The following PRDM15 variants were observed in gnomAD, a reference collection of about 807,000 sequenced individuals.
PRDM15 encodes the protein PR domain zinc finger protein 15.
PRDM15 carries 64 observed loss-of-function variants against 128.6 expected under a neutral mutation model. The observed-to-expected ratio is 0.50, with a 90% confidence interval of 0.41 to 0.61. The LOEUF (loss-of-function observed/expected upper bound fraction) is 0.61, where lower values mean the gene tolerates loss of function less well. Among genes scored for constraint, PRDM15 ranks in the 20% least tolerant of loss-of-function variants. The probability of loss-of-function intolerance (pLI) is 0.00; values close to 1 mark genes in which losing one functional copy is unlikely to be tolerated. For missense variants in PRDM15, 1,242 were observed against 1,569.1 expected (o/e 0.79, Z 3.52); for synonymous variants, 615 against 621.8 (o/e 0.99, Z 0.16).
chr21:41,819,721 C>T lies in PRDM15; in HGVS notation c.2141-20G>A, dbSNP rs1250544209. ...TCACACCTGAGAACACAGGCATCTGCCACTCAGAGCCGAGCAGCTCCGACC... is the reference window on the plus strand; with the variant it reads ...TCACACCTGAGAACACAGGCATCTGTCACTCAGAGCCGAGCAGCTCCGACC... On this transcript the variant is annotated intron_variant, in intron 17 of 23. Transcript: ENST00000398548. 6.3e-7 allele frequency: 1 copy of T among 1,585,458 alleles called. No homozygotes were observed. The highest frequency in any genetic ancestry group is 8.5e-7 in the Non-Finnish European group (1 of 1,171,030).
At chr21:41,865,541 C>A (rs1481397257) in intron 1 of PRDM15, among the ~76,000 whole-genome samples, 2 of 152,142 alleles carry the variant, frequency 1.3e-5, no homozygotes, top group African/African-American at 4.8e-5. Context: ...GAGGTCCACC[C>A]CAGGCACAGC....
chr21:41,866,232 C>T (rs2064003443), intron 1 of PRDM15, among the ~76,000 whole-genome samples: 2 of 152,248 alleles, frequency 1.3e-5, no homozygotes, highest in African/African-American at 4.8e-5. Context: ...GTTTCATTTG[C>T]ACAAGTTACG....
At chr21:41,847,686 C>T (rs546321536) in intron 5 of PRDM15, among the ~76,000 whole-genome samples, 2 of 152,216 alleles carry the variant, frequency 1.3e-5, no homozygotes, top group Admixed American at 6.5e-5. Flanking sequence ...GGATGACTGA[C>T]GTGCTCCACA....
intron 5 of PRDM15, among the ~76,000 whole-genome samples, chr21:41,847,599 A>G (rs1379744378): frequency 1.3e-5 from 2 of 152,072 alleles, no homozygotes; most frequent in African/African-American, 4.8e-5. Flanking sequence ...GTGGAACCCC[A>G]AACGGCCAGC....
intron 18 of PRDM15, among the ~76,000 whole-genome samples, chr21:41,816,894 TAAAAA>T (rs66937227): frequency 1.3e-5 from 2 of 149,478 alleles, no homozygotes; most frequent in Non-Finnish European, 3.0e-5. Context: ...TCCTTTTGAT[TAAAAA>T]AAAAAAAAAG....
Position 41,801,568 on chromosome 21 carries a change from T to TGGTAA in PRDM15, c.3097_3098insTTACC (p.Gln1033LeufsTer11). On this transcript the variant is annotated frameshift_variant, in exon 24 of 24. Transcript: ENST00000398548. LOFTEE classifies it high-confidence loss of function. ...CAGGATTGAGTTGTCCAGCTGTAACTGGCGTTCAGGGGTGGTAAGGTGCCC... is the reference window on the plus strand; with the variant it reads ...CAGGATTGAGTTGTCCAGCTGTAACTGGTAAGGCGTTCAGGGGTGGTAAGGTGCCC... 6.2e-7 allele frequency: 1 copy of TGGTAA among 1,614,152 alleles called. No homozygotes were observed. The highest frequency in any genetic ancestry group is 8.5e-7 in the Non-Finnish European group (1 of 1,180,024).
At chr21:41,822,102 C>T in intron 14 of PRDM15, 65 bp from the exon 15 acceptor site, 2 of 1,599,692 alleles carry the variant, frequency 1.3e-6, no homozygotes, top group Non-Finnish European at 1.7e-6. Context: ...GTTATCTACA[C>T]CGCAGGGACG....
rs375321468 is a variant in PRDM15 at position 41,810,879 on chromosome 21, T to C, written c.2393-43A>G. 1.8e-4 allele frequency: 288 copies of C among 1,573,040 alleles called. 4 individuals carry two copies. In the Middle Eastern group the frequency reaches 4.8e-3, roughly 26 times the overall value. On this transcript the variant is annotated intron_variant, in intron 19 of 23. Coordinates refer to ENST00000398548, the MANE Select transcript of PRDM15 (RefSeq NM_001040424.3). The surrounding 1 kb of genome is among the most constrained non-coding windows in gnomAD (Gnocchi z 6.4). ...CATAACTTCCTACGTTTAATGAGTG[T>C]TGTAAGTCCACATCAGGGCATGTCT...
chr21:41,847,579 A>T (rs1460198050), intron 5 of PRDM15, among the ~76,000 whole-genome samples: 1 of 152,114 alleles, frequency 6.6e-6, no homozygotes. Context: ...GGCTCATAGA[A>T]TAAGAGACAG....
At chr21:41,834,604 C>A in intron 11 of PRDM15, 1 of 1,510,444 alleles carries the variant, frequency 6.6e-7, no homozygotes, top group South Asian at 1.2e-5. Context: ...TGACTCACCC[C>A]TCTGTGCCCC....
intron 1 of PRDM15, chr21:41,863,324 G>T (rs1458001979): frequency 6.6e-6 from 1 of 152,000 alleles, no homozygotes; most frequent in Non-Finnish European, 1.5e-5. Context: ...GCACATCCTT[G>T]CCTCCCACCC....
intron 22 of PRDM15, among the ~76,000 whole-genome samples, 153 bp downstream of exon 22, chr21:41,804,381 T>G (rs1454469128): frequency 6.6e-6 from 1 of 152,202 alleles, no homozygotes; most frequent in Non-Finnish European, 1.5e-5. Flanking sequence ...TCTAAGAGGT[T>G]CTGAGGGGAA....
intron 12 of PRDM15, among the ~76,000 whole-genome samples, chr21:41,827,757 G>C (rs1380411926): frequency 6.6e-6 from 1 of 152,042 alleles, no homozygotes; most frequent in Non-Finnish European, 1.5e-5. Context: ...TGTATGAAGG[G>C]CTGCTGCTCT....
chr21:41,836,115 C>G lies in PRDM15; in HGVS notation c.1276G>C (p.Glu426Gln), dbSNP rs147705161. 2 of 1,612,736 alleles carry G rather than the reference C, an allele frequency of 1.2e-6. No homozygotes were observed. Among genetic ancestry groups the G allele is most frequent in the Non-Finnish European group, 1.7e-6 (2 of 1,179,100 alleles). Residue 426 changes from glutamate (E) to glutamine (Q), a missense_variant and splice_region_variant, in exon 10 of 24, where the codon GAG becomes CAG. Glu to Gln is a conservative substitution (Grantham distance 29). Coordinates refer to ENST00000398548, the MANE Select transcript of PRDM15 (RefSeq NM_001040424.3). ...ACCCTGGGCTTGTTTCCACCCACCT[C>G]GTTCCTGCTGTGCTTGTAGGAAACG... The part of the protein sequence containing the change: ...QHVSYKHSRN[E>Q]VDGEYRYRCG...
At chr21:41,841,051 G>A (rs2063060126) in intron 6 of PRDM15, among the ~76,000 whole-genome samples, 1 of 152,038 alleles carries the variant, frequency 6.6e-6, no homozygotes, top group Non-Finnish European at 1.5e-5. Context: ...ATAACAAGAA[G>A]GTCTAAAACA....
At chr21:41,878,772 G>GCGGGGGATAA (rs755229350) in intron 1 of PRDM15, 1 of 1,461,882 alleles carries the variant, frequency 6.8e-7, no homozygotes, top group South Asian at 1.3e-5. Context: ...GTACCCGAGG[G>GCGGGGGATAA]CGGGGGATAA....
At chr21:41,840,878 C>T (rs1165733010) in intron 6 of PRDM15, among the ~76,000 whole-genome samples, 1 of 150,532 alleles carries the variant, frequency 6.6e-6, no homozygotes, top group Non-Finnish European at 1.5e-5. Flanking sequence ...AAAAGGAGGC[C>T]CAAAATAAAA....
chr21:41,874,480 C>A (rs1360038234), intron 1 of PRDM15, among the ~76,000 whole-genome samples: 2 of 146,432 alleles, frequency 1.4e-5, no homozygotes, highest in Admixed American at 6.9e-5. Context: ...AAAAGACAAA[C>A]CTACTATAAC....
chr21:41,839,672 C>A lies in PRDM15; in HGVS notation c.822G>T (p.Val274=). ...KKPRRGRKPK[V]SKAEQPLVIV... ...TGACTAGAGGCTGCTCAGCTTTGGA[C>A]ACTTTGGGTTTTCTCCCCCTTCGAG... Residue 274 remains valine (V), a synonymous_variant, in exon 7 of 24, where the codon GTG becomes GTT. Transcript: ENST00000398548. 1.2e-6 allele frequency: 2 copies of A among 1,614,268 alleles called. No individual in the cohort carries two copies. The highest frequency in any genetic ancestry group is 1.7e-6 in the Non-Finnish European group (2 of 1,180,050).
Sources: gnomAD v4.1 joint callset for allele counts (sites outside exome capture counted in the v4.1 genomes callset) on GRCh38, gnomAD v4.1.1 for gene constraint, Gnocchi (gnomAD v3.1) non-coding constraint, MANE v1.5 for transcripts, NCBI Gene and HGNC (gene_info 2026-07-23, HGNC 2026-07-21) for gene names.